The following NR3C2 variants were observed in gnomAD, a reference collection of about 807,000 sequenced individuals.
NR3C2 encodes the protein mineralocorticoid receptor.
NR3C2 carries 15 observed loss-of-function variants against 86.4 expected under a neutral mutation model. That is an observed-to-expected ratio of 0.17 (90% confidence interval 0.12 to 0.27). The LOEUF (loss-of-function observed/expected upper bound fraction) is 0.27, where lower values mean the gene tolerates loss of function less well. Among genes scored for constraint, NR3C2 ranks in the 10% least tolerant of loss-of-function variants. The pLI is 1.00. For missense variants in NR3C2, 960 were observed against 1,195.6 expected (o/e 0.80, Z 2.91); for synonymous variants, 458 against 450.5 (o/e 1.02, Z -0.21).
intron 3 of NR3C2, among the ~76,000 whole-genome samples, chr4:148,215,262 A>G (rs1431073421): frequency 1.3e-5 from 2 of 152,232 alleles, no homozygotes; most frequent in African/African-American, 4.8e-5. Flanking sequence ...GGTGTTTCAT[A>G]AAGTATCAGG....
chr4:148,392,103 G>C, intron 2 of NR3C2, among the ~76,000 whole-genome samples: 1 of 152,092 alleles, frequency 6.6e-6, no homozygotes, highest in Admixed American at 6.5e-5. Context: ...TCAAAGACCT[G>C]AAAAGAATCT....
chr4:148,366,478 AC>A (rs1394365367), intron 2 of NR3C2, among the ~76,000 whole-genome samples: 7 of 3,596 alleles, frequency 1.9e-3, no homozygotes, highest in South Asian at 9.6e-3. Context: ...TTTAAAAAGT[AC>A]TCAGCACTTT....
intron 2 of NR3C2, among the ~76,000 whole-genome samples, chr4:148,317,480 T>C (rs550377755): frequency 1.4e-3 from 214 of 152,168 alleles, no homozygotes; most frequent in Non-Finnish European, 1.4e-3. Context: ...CAACTAAATA[T>C]AACAAAACCC....
At chr4:148,194,154 T>C (rs768018774) in intron 4 of NR3C2, among the ~76,000 whole-genome samples, 14 of 152,196 alleles carry the variant, frequency 9.2e-5, no homozygotes, top group Non-Finnish European at 2.1e-4. Context: ...GAATAATCAA[T>C]TGGTATTTTT....
chr4:148,237,675 T>G (rs1369387916), intron 3 of NR3C2, among the ~76,000 whole-genome samples: 7 of 149,588 alleles, frequency 4.7e-5, no homozygotes, highest in African/African-American at 1.7e-4. Context: ...AAATGGGTTT[T>G]TTTTTTTTTT....
At chr4:148,309,623 A>G (rs969248735) in intron 2 of NR3C2, among the ~76,000 whole-genome samples, 6 of 152,026 alleles carry the variant, frequency 3.9e-5, no homozygotes, top group African/African-American at 1.2e-4. Context: ...ACAAAACACA[A>G]TTTTGCCCTT....
intron 3 of NR3C2, among the ~76,000 whole-genome samples, chr4:148,205,849 A>G (rs1049769812): frequency 2.0e-5 from 3 of 152,218 alleles, no homozygotes; most frequent in African/African-American, 7.2e-5. Flanking sequence ...AGGGAATTAG[A>G]AAGTCTTCCT....
intron 8 of NR3C2, among the ~76,000 whole-genome samples, chr4:148,089,654 CTTT>C (rs11440077): frequency 6.6e-6 from 1 of 151,310 alleles, no homozygotes; most frequent in Admixed American, 6.6e-5. Context: ...ATGGGAGAAC[CTTT>C]TTTTTTGCCT....
chr4:148,238,576 CTGT>C (rs1227158779), intron 3 of NR3C2, among the ~76,000 whole-genome samples: 1 of 151,764 alleles, frequency 6.6e-6, no homozygotes, highest in Non-Finnish European at 1.5e-5. Flanking sequence ...TTTTCTCTCA[CTGT>C]TGAGTTTTAA....
chr4:148,373,060 A>G (rs1311039063), intron 2 of NR3C2, among the ~76,000 whole-genome samples: 1 of 152,208 alleles, frequency 6.6e-6, no homozygotes, highest in Admixed American at 6.5e-5. Context: ...ATGGAATTAA[A>G]CATTACTTCT....
intron 3 of NR3C2, among the ~76,000 whole-genome samples, chr4:148,251,172 T>A (rs940066566): frequency 1.3e-5 from 2 of 152,132 alleles, no homozygotes; most frequent in African/African-American, 4.8e-5. Context: ...TTGCCCAGGC[T>A]GGTCTCGAAC....
intron 2 of NR3C2, among the ~76,000 whole-genome samples, chr4:148,369,595 T>C (rs1746314643): frequency 1.3e-5 from 2 of 152,206 alleles, no homozygotes; most frequent in African/African-American, 2.4e-5. Context: ...ACTTTGAGTA[T>C]AATCACTATG....
intron 2 of NR3C2, among the ~76,000 whole-genome samples, chr4:148,371,760 C>A (rs61569758): frequency 0.11 from 16,733 of 152,110 alleles, 991 homozygotes; most frequent in Middle Eastern, 0.15. Flanking sequence ...GAGACAGATA[C>A]TGTGATAGAG....
chr4:148,315,682 A>C (rs1006755060), intron 2 of NR3C2, among the ~76,000 whole-genome samples: 1 of 152,208 alleles, frequency 6.6e-6, no homozygotes, highest in Non-Finnish European at 1.5e-5. Context: ...TACATACCCT[A>C]AAGACTTACG....
chr4:148,442,700 C>T (rs1750413977), upstream of NR3C2: 1 of 985,432 alleles, frequency 1.0e-6, no homozygotes, highest in Non-Finnish European at 1.2e-6. Context: ...TGCTGCGACA[C>T]AGCCTGGACT....
At chr4:148,157,075 G>T (rs1477876537) in intron 4 of NR3C2, among the ~76,000 whole-genome samples, 1 of 147,768 alleles carries the variant, frequency 6.8e-6, no homozygotes, top group Non-Finnish European at 1.5e-5. Context: ...AAACACCGCA[G>T]GTTCTCACTC....
At chr4:148,202,908 G>C (rs563142273) in intron 3 of NR3C2, among the ~76,000 whole-genome samples, 1 of 152,278 alleles carries the variant, frequency 6.6e-6, no homozygotes, top group Non-Finnish European at 1.5e-5. Flanking sequence ...GACAGTGAAG[G>C]CATAGTTTAA....
intron 2 of NR3C2, among the ~76,000 whole-genome samples, chr4:148,271,358 T>C (rs2149885108): frequency 6.6e-6 from 1 of 152,298 alleles, no homozygotes; most frequent in African/African-American, 2.4e-5. Flanking sequence ...GAATCCTGAG[T>C]ACTTTCTTTG....
intron 2 of NR3C2, among the ~76,000 whole-genome samples, chr4:148,354,904 C>A (rs747771176): frequency 6.6e-6 from 1 of 152,070 alleles, no homozygotes; most frequent in African/African-American, 2.4e-5. Flanking sequence ...AGAACAAAAA[C>A]ATTATACTCC....
Sources: allele counts gnomAD v4.1 joint callset (sites outside exome capture counted in the v4.1 genomes callset), GRCh38; gene constraint gnomAD v4.1.1; transcripts MANE v1.5; gene names NCBI Gene and HGNC (gene_info 2026-07-23, HGNC 2026-07-21).